The following LOC128462377 variants were observed in gnomAD, a reference collection of about 807,000 sequenced individuals.
At chr16:89,393,707 C>T in the LOC128462377 span, among the ~76,000 whole-genome samples, 8 of 152,016 alleles carry the variant, frequency 5.3e-5, no homozygotes, top group Admixed American at 5.2e-4. Context: ...GAAGGGGAAG[C>T]AGCCGGGCCG....
At chr16:89,336,118 G>A in the LOC128462377 span, among the ~76,000 whole-genome samples, 590 of 152,352 alleles carry the variant, frequency 3.9e-3, 2 homozygotes, top group African/African-American at 0.014. Context: ...TCAGCCACAC[G>A]GTTTTCTGCC....
chr16:89,359,865 T>C, the LOC128462377 span, among the ~76,000 whole-genome samples: 2 of 152,154 alleles, frequency 1.3e-5, no homozygotes, highest in Admixed American at 6.6e-5. Context: ...GAGAGTGCCA[T>C]GGATGCCAAA....
At chr16:89,347,324 G>A in the LOC128462377 span, among the ~76,000 whole-genome samples, 3 of 152,152 alleles carry the variant, frequency 2.0e-5, no homozygotes, top group Non-Finnish European at 4.4e-5. Flanking sequence ...AAAGAGTTCC[G>A]TTCGGCCGGG....
chr16:89,396,650 C>T, the LOC128462377 span, among the ~76,000 whole-genome samples: 5 of 152,178 alleles, frequency 3.3e-5, no homozygotes, highest in East Asian at 1.9e-4. Flanking sequence ...GGGGTTTGTA[C>T]AATTTTAAGG....
At chr16:89,336,572 G>C in the LOC128462377 span, among the ~76,000 whole-genome samples, 1 of 152,150 alleles carries the variant, frequency 6.6e-6, no homozygotes, top group African/African-American at 2.4e-5. Context: ...GCACTGGTGG[G>C]AACCCAGCAC....
At chr16:89,399,549 G>A in the LOC128462377 span, among the ~76,000 whole-genome samples, 4 of 152,248 alleles carry the variant, frequency 2.6e-5, no homozygotes, top group South Asian at 8.3e-4. Flanking sequence ...GGGGACCTGG[G>A]GCAGTGAAAC....
chr16:89,405,865 C>A, the LOC128462377 span, among the ~76,000 whole-genome samples: 4 of 152,150 alleles, frequency 2.6e-5, no homozygotes. Flanking sequence ...AATCCCAGCA[C>A]TTTGGGAGCC....
At chr16:89,330,033 A>G in the LOC128462377 span, among the ~76,000 whole-genome samples, 1 of 152,160 alleles carries the variant, frequency 6.6e-6, no homozygotes. Context: ...AATAAAATGT[A>G]AAAACATAAA....
At chr16:89,332,141 A>G in the LOC128462377 span, among the ~76,000 whole-genome samples, 4 of 152,140 alleles carry the variant, frequency 2.6e-5, no homozygotes, top group Non-Finnish European at 5.9e-5. Context: ...AAAAAAAGAT[A>G]ATAATCTTAA....
chr16:89,323,169 TG>T, the LOC128462377 span: 1 of 457,092 alleles, frequency 2.2e-6, no homozygotes, highest in Non-Finnish European at 3.8e-6. Context: ...GCGTCAGGAG[TG>T]GTGCCTTGTG....
chr16:89,326,922 C>G, the LOC128462377 span, among the ~76,000 whole-genome samples: 1 of 152,148 alleles, frequency 6.6e-6, no homozygotes, highest in Non-Finnish European at 1.5e-5. Context: ...GGAGGTTCCA[C>G]AGACACACGA....
At chr16:89,368,391 T>TTG in the LOC128462377 span, among the ~76,000 whole-genome samples, 79 of 139,234 alleles carry the variant, frequency 5.7e-4, no homozygotes, top group African/African-American at 2.1e-3. Context: ...TTTTTTTTTT[T>TTG]TTTTTTTTTT....
the LOC128462377 span, among the ~76,000 whole-genome samples, chr16:89,388,550 A>G: frequency 6.6e-6 from 1 of 152,150 alleles, no homozygotes; most frequent in African/African-American, 2.4e-5. Context: ...CGAGATGACA[A>G]AAAAGCCTGA....
At chr16:89,344,871 A>G in the LOC128462377 span, among the ~76,000 whole-genome samples, 37 of 152,334 alleles carry the variant, frequency 2.4e-4, no homozygotes, top group Non-Finnish European at 4.7e-4. Context: ...CTTCATCTTC[A>G]AGAGAACCTC....
the LOC128462377 span, among the ~76,000 whole-genome samples, chr16:89,366,349 A>C: frequency 1.3e-5 from 2 of 152,154 alleles, no homozygotes; most frequent in East Asian, 3.8e-4. Context: ...ATACCCAGTA[A>C]TGAGACTGCT....
the LOC128462377 span, among the ~76,000 whole-genome samples, chr16:89,379,542 A>G: frequency 6.6e-6 from 1 of 152,192 alleles, no homozygotes; most frequent in Non-Finnish European, 1.5e-5. Flanking sequence ...GACAGAGCTC[A>G]GTCACGGCTC....
the LOC128462377 span, among the ~76,000 whole-genome samples, chr16:89,417,473 C>G: frequency 6.6e-6 from 1 of 152,206 alleles, no homozygotes; most frequent in Admixed American, 6.5e-5. Flanking sequence ...GCGACACGTG[C>G]TTGCTCAGAG....
the LOC128462377 span, among the ~76,000 whole-genome samples, chr16:89,410,498 C>A: frequency 1.3e-5 from 2 of 152,086 alleles, no homozygotes; most frequent in African/African-American, 4.8e-5. Context: ...TGTCAGGAAC[C>A]ACGCAGAGCC....
the LOC128462377 span, among the ~76,000 whole-genome samples, chr16:89,406,309 C>G: frequency 6.6e-6 from 1 of 152,162 alleles, no homozygotes; most frequent in African/African-American, 2.4e-5. Flanking sequence ...CTGACAGAAG[C>G]ACAGACCCTC....
Sources: allele counts gnomAD v4.1 joint callset (sites outside exome capture counted in the v4.1 genomes callset), GRCh38; gene constraint gnomAD v4.1.1; transcripts MANE v1.5.